Variants in AMOTL1 observed in about 807,000 individuals in gnomAD.
AMOTL1 encodes angiomotin like 1, also known as angiomotin-like protein 1.
AMOTL1 carries 45 observed loss-of-function variants against 102.9 expected under a neutral mutation model. The observed-to-expected ratio is 0.44, with a 90% CI of 0.34 to 0.56. The LOEUF (loss-of-function observed/expected upper bound fraction) is 0.56, where lower values mean the gene tolerates loss of function less well. AMOTL1 is among the 20% of genes least tolerant of loss of function. AMOTL1 has a pLI of 0.01. For synonymous variants in AMOTL1, 481 were observed against 484.7 expected (o/e 0.99, Z 0.10); for missense variants, 1,114 against 1,225.6 (o/e 0.91, Z 1.36).
chr11:94,813,341 A>C (rs1301698448), intron 3 of AMOTL1, among the ~76,000 whole-genome samples: 4 of 151,998 alleles, frequency 2.6e-5, no homozygotes, highest in Admixed American at 2.6e-4. Context: ...AACTCAAGAC[A>C]CTCCATCTGG....
At chr11:94,730,978 G>A (rs549425066) in intron 2 of AMOTL1, among the ~76,000 whole-genome samples, 2 of 152,234 alleles carry the variant, frequency 1.3e-5, no homozygotes, top group African/African-American at 2.4e-5. Context: ...GAAGCCTTAG[G>A]GATCACTGTA....
At chr11:94,815,205 T>C (rs1317849326) in intron 3 of AMOTL1, among the ~76,000 whole-genome samples, 1 of 152,216 alleles carries the variant, frequency 6.6e-6, no homozygotes, top group Non-Finnish European at 1.5e-5. Context: ...CTCTGCTAGA[T>C]GTAAAAATGT....
chr11:94,745,599 T>G (rs1303896671), intron 3 of AMOTL1, among the ~76,000 whole-genome samples: 1 of 152,204 alleles, frequency 6.6e-6, no homozygotes, highest in Non-Finnish European at 1.5e-5. Flanking sequence ...TGAATTCTCT[T>G]GCAGTTTCTT....
chr11:94,757,093 A>C (rs530990089), intron 3 of AMOTL1, among the ~76,000 whole-genome samples: 2 of 152,114 alleles, frequency 1.3e-5, no homozygotes, highest in South Asian at 4.2e-4. Flanking sequence ...ATAATTATTC[A>C]TGTTTCCTGG....
intron 1 of AMOTL1, among the ~76,000 whole-genome samples, chr11:94,768,884 A>T (rs1036623070): frequency 1.3e-5 from 2 of 151,270 alleles, no homozygotes; most frequent in Admixed American, 1.3e-4. Context: ...ATGGCCAGAC[A>T]CTCCGAGGCG....
In AMOTL1 at chr11:94,853,936, C is replaced by T. The variant is rs1170166565; in HGVS notation, c.1798C>T (p.Arg600Ter). The change falls in exon 8 of 13, where the codon CGA becomes TGA. Residue 600 changes from arginine (R) to a stop codon, truncating the protein, a stop_gained. Coordinates refer to ENST00000433060, the MANE Select transcript of AMOTL1 (RefSeq NM_130847.3). LOFTEE classifies it high-confidence loss of function. ...TTTTTTACTCTTCTCCACTCAGTTA[C>T]GAGAGAAGCAAGCATATGTTGAGAA... ...ARVIKLEEEL[R>*]EKQAYVEKVE... is the part of the protein sequence containing the mutation. The T allele has an allele frequency of 2.5e-6, 4 of 1,608,222 alleles. No homozygotes were observed. Among genetic ancestry groups the T allele is most frequent in the Non-Finnish European group, 3.4e-6 (4 of 1,177,120 alleles).
At chr11:94,775,680 C>A (rs1951017813) in intron 1 of AMOTL1, among the ~76,000 whole-genome samples, 1 of 152,172 alleles carries the variant, frequency 6.6e-6, no homozygotes, top group South Asian at 2.1e-4. Flanking sequence ...CCATTTCCAT[C>A]ACTGCAGCAA....
chr11:94,834,013 T>C lies in AMOTL1; in HGVS notation c.1648+2472T>C, dbSNP rs144060798. Among the ~76,000 whole-genome samples the C allele has an allele frequency of 1.3e-3, 204 of 152,276 alleles. 1 individual carries two copies. The highest frequency in any genetic ancestry group is 4.6e-3 in the African/African-American group (192 of 41,550). On this transcript the variant is annotated intron_variant, in intron 6 of 12. Transcript: ENST00000433060. ...ACAGCTCAGTGAGCAGGTATAACAATAGGTGCAAAGATACTCAGAAGGTTG... is the reference window on the plus strand; with the variant it reads ...ACAGCTCAGTGAGCAGGTATAACAACAGGTGCAAAGATACTCAGAAGGTTG...
At chr11:94,854,108 A>G (rs2135717187) in intron 8 of AMOTL1, 26 bp downstream of exon 8, 2 of 1,509,822 alleles carry the variant, frequency 1.3e-6, no homozygotes, top group Non-Finnish European at 1.8e-6. Flanking sequence ...TGGACTGGTG[A>G]AAGAATTAGA....
Position 94,721,753 on chromosome 11 carries a change from A to G in AMOTL1, c.-50-7168A>G, listed in dbSNP as rs556312141. The stretch of plus-strand genomic sequence containing the variant: ...CACCTAGACTGTGGTATTTTGTTAT[A>G]GCAGCTGGAGCTGACTAACACATGT... On this transcript the variant is annotated intron_variant, in intron 1 of 4. Coordinates refer to the AMOTL1 transcript ENST00000299004. Among the ~76,000 whole-genome samples, 182 of 152,286 alleles carry G rather than the reference A, an allele frequency of 1.2e-3. 3 individuals carry two copies. The highest frequency in any genetic ancestry group is 4.3e-3 in the African/African-American group (180 of 41,568).
At chr11:94,815,519 A>T (rs552473365) in intron 3 of AMOTL1, among the ~76,000 whole-genome samples, 1 of 152,258 alleles carries the variant, frequency 6.6e-6, no homozygotes, top group African/African-American at 2.4e-5. Context: ...AAATAAACTT[A>T]TCATATAATT....
chr11:94,853,702 C>T (rs1952596109), intron 7 of AMOTL1, among the ~76,000 whole-genome samples: 1 of 152,066 alleles, frequency 6.6e-6, no homozygotes, highest in African/African-American at 2.4e-5. Flanking sequence ...AAGCAGGTAC[C>T]CCAGTAGAGT....
rs1950935240 is a variant in AMOTL1 at position 94,770,633 on chromosome 11, G to C, written c.49+2073G>C. ...TCTTTTTAAAATGCACAGAAGTCTTGGTCTTTCAGGTTCTTTGCAGATGAT... is the reference window on the plus strand; with the variant it reads ...TCTTTTTAAAATGCACAGAAGTCTTCGTCTTTCAGGTTCTTTGCAGATGAT... On this transcript the variant is annotated intron_variant, in intron 1 of 12. Coordinates refer to ENST00000433060, the MANE Select transcript of AMOTL1 (RefSeq NM_130847.3). Among the ~76,000 whole-genome samples, 3 of 152,094 alleles carry C rather than the reference G, an allele frequency of 2.0e-5. No homozygotes were observed. In the South Asian group the frequency reaches 6.2e-4, roughly 32 times the overall value.
chr11:94,777,592 T>C (rs2135526631), intron 1 of AMOTL1, among the ~76,000 whole-genome samples: 1 of 152,330 alleles, frequency 6.6e-6, no homozygotes, highest in Non-Finnish European at 1.5e-5. Flanking sequence ...ACTTTATTAG[T>C]TTAGGAACAA....
At chr11:94,842,361 CA>C (rs1209068298) in intron 6 of AMOTL1, among the ~76,000 whole-genome samples, 1 of 151,998 alleles carries the variant, frequency 6.6e-6, no homozygotes, top group African/African-American at 2.4e-5. Flanking sequence ...GAGTGCAAGG[CA>C]GAATGTGGCA....
At chr11:94,808,549 T>G (rs1362076673) in intron 3 of AMOTL1, among the ~76,000 whole-genome samples, 1 of 152,192 alleles carries the variant, frequency 6.6e-6, no homozygotes. Flanking sequence ...TTTAATATAT[T>G]GAGTGTGGCT....
chr11:94,799,768 A>G lies in AMOTL1; in HGVS notation c.578A>G (p.Glu193Gly). ...AACGAGGAACTGCCCACTTACGAGGAGGCCAAAGCACAGTCGCAGTTCTTC... is the reference window on the plus strand; with the variant it reads ...AACGAGGAACTGCCCACTTACGAGGGGGCCAAAGCACAGTCGCAGTTCTTC... Reference protein sequence around the residue: ...QNNEELPTYEEAKAQSQFFRG... With the variant: ...QNNEELPTYEGAKAQSQFFRG... The change falls in exon 3 of 13, where the codon GAG (glutamate) becomes GGG (glycine). Residue 193 changes from glutamate (E) to glycine (G), a missense_variant. Physicochemically the swap from Glu to Gly is moderately conservative, Grantham distance 98. Coordinates refer to ENST00000433060, the MANE Select transcript of AMOTL1 (RefSeq NM_130847.3). The surrounding 1 kb of genome is among the most constrained non-coding windows in gnomAD (Gnocchi z 4.5). The G allele has an allele frequency of 6.2e-7, 1 of 1,607,926 alleles. No homozygotes were observed. Among genetic ancestry groups the G allele is most frequent in the Non-Finnish European group, 8.5e-7 (1 of 1,176,320 alleles).
rs183509076 is a variant in AMOTL1 at position 94,720,399 on chromosome 11, A to G, written c.-50-8522A>G. 2.2e-3 allele frequency among the ~76,000 whole-genome samples: 341 copies of G among 152,246 alleles called. 1 individual carries two copies. Among genetic ancestry groups the G allele is most frequent in the Admixed American group, 5.8e-3 (88 of 15,284 alleles). ...ACTGTGGCTGGTACCGGAAGGTTCT[A>G]CTGGAGCTCCAGGAATCACAGTTAT... On this transcript the variant is annotated intron_variant, in intron 1 of 4. Coordinates refer to the AMOTL1 transcript ENST00000299004.
Position 94,799,824 on chromosome 11 carries a change from G to T in AMOTL1, c.634G>T (p.Gly212Trp). Residue 212 changes from glycine to tryptophan, a missense_variant, in exon 3 of 13, where the codon GGG becomes TGG. Physicochemically the swap from Gly to Trp is radical, Grantham distance 184. Transcript: ENST00000433060. This position sits in a 1 kb window ranked among gnomAD's most constrained non-coding sequence, Gnocchi z 4.5. ...RGQQQQQQQQ[G>W]AVGHGYYMAG... ...GCAGCAGCAGCAGCAACAGCAGCAGGGGGCGGTGGGCCATGGTTACTACAT... is the reference window on the plus strand; with the variant it reads ...GCAGCAGCAGCAGCAACAGCAGCAGTGGGCGGTGGGCCATGGTTACTACAT... 6.3e-7 allele frequency: 1 copy of T among 1,595,344 alleles called. No homozygotes were observed. Among genetic ancestry groups the T allele is most frequent in the Non-Finnish European group, 8.5e-7 (1 of 1,170,346 alleles).
Sources: allele counts gnomAD v4.1 joint callset (sites outside exome capture counted in the v4.1 genomes callset), GRCh38; gene constraint gnomAD v4.1.1; non-coding constraint Gnocchi (gnomAD v3.1); transcripts MANE v1.5; gene names NCBI Gene and HGNC (gene_info 2026-07-23, HGNC 2026-07-21).